The following CDK14 variants were observed in gnomAD, a reference collection of about 807,000 sequenced individuals.
The protein encoded by CDK14 is cyclin-dependent kinase 14.
In CDK14, 34 loss-of-function variants were observed where a neutral mutation model predicts 60.7. That is an observed-to-expected ratio of 0.56 (90% confidence interval 0.43 to 0.75). The LOEUF (loss-of-function observed/expected upper bound fraction) is 0.75. CDK14 is among the 30% of genes least tolerant of loss of function. The pLI, the probability that CDK14 is intolerant of heterozygous loss-of-function variation, is 0.00. For synonymous variants in CDK14, 197 were observed against 203.7 expected (o/e 0.97, Z 0.28); for missense variants, 482 against 564.1 (o/e 0.85, Z 1.47).
At chr7:90,783,398 C>A (rs1210029782) in intron 4 of CDK14, among the ~76,000 whole-genome samples, 2 of 152,090 alleles carry the variant, frequency 1.3e-5, no homozygotes, top group Non-Finnish European at 2.9e-5. Context: ...ATTTGCCCAA[C>A]CAATGTTCTG....
intron 9 of CDK14, among the ~76,000 whole-genome samples, chr7:90,968,155 T>G (rs1794812370): frequency 6.6e-6 from 1 of 152,236 alleles, no homozygotes; most frequent in South Asian, 2.1e-4. Context: ...GGTGGCTTTC[T>G]TAATTTTAGA....
intron 10 of CDK14, among the ~76,000 whole-genome samples, chr7:91,040,408 A>G (rs938039812): frequency 1.3e-5 from 2 of 152,194 alleles, no homozygotes; most frequent in Non-Finnish European, 2.9e-5. Flanking sequence ...ACTTCTCACT[A>G]AGGAGCTAGA....
At chr7:90,662,392 TC>T (rs1800882077) in intron 2 of CDK14, among the ~76,000 whole-genome samples, 1 of 152,194 alleles carries the variant, frequency 6.6e-6, no homozygotes, top group African/African-American at 2.4e-5. Flanking sequence ...CTTGATTTTC[TC>T]CCCTGAGGAA....
At chr7:91,199,323 TG>T (rs1432045971) in intron 14 of CDK14, among the ~76,000 whole-genome samples, 7 of 151,362 alleles carry the variant, frequency 4.6e-5, no homozygotes, top group African/African-American at 9.7e-5. Flanking sequence ...CAATATTATA[TG>T]TTTTTTTATT....
At chr7:90,931,924 T>A (rs1186517152) in intron 8 of CDK14, among the ~76,000 whole-genome samples, 1 of 152,192 alleles carries the variant, frequency 6.6e-6, no homozygotes. Context: ...TTCAAACACA[T>A]GAATACGTTT....
chr7:91,147,188 A>G (rs1006502823), intron 14 of CDK14, among the ~76,000 whole-genome samples: 8 of 150,212 alleles, frequency 5.3e-5, no homozygotes, highest in Non-Finnish European at 8.9e-5. Context: ...ACACACACAC[A>G]CACACACACA....
At chr7:91,134,929 A>G (rs771437324) in intron 14 of CDK14, among the ~76,000 whole-genome samples, 29 of 152,234 alleles carry the variant, frequency 1.9e-4, no homozygotes, top group Admixed American at 7.9e-4. Context: ...ATATACAAAC[A>G]TATCTTGAGA....
intron 14 of CDK14, among the ~76,000 whole-genome samples, chr7:91,119,728 T>G (rs1331914945): frequency 2.0e-5 from 3 of 152,164 alleles, no homozygotes; most frequent in Non-Finnish European, 2.9e-5. Flanking sequence ...TTTTGGCCTA[T>G]CAGGGGCATG....
At chr7:91,144,858 C>T (rs775992919) in intron 14 of CDK14, among the ~76,000 whole-genome samples, 6 of 152,116 alleles carry the variant, frequency 3.9e-5, no homozygotes, top group Non-Finnish European at 8.8e-5. Context: ...TAAGCAACTT[C>T]TAGCATTTTG....
chr7:90,893,592 C>T (rs1313246949), intron 6 of CDK14, among the ~76,000 whole-genome samples: 7 of 151,846 alleles, frequency 4.6e-5, no homozygotes, highest in African/African-American at 1.5e-4. Context: ...TCATAAGGGT[C>T]ACATAATCCA....
intron 3 of CDK14, among the ~76,000 whole-genome samples, chr7:90,740,548 A>G (rs917684111): frequency 7.9e-5 from 12 of 152,162 alleles, no homozygotes; most frequent in Non-Finnish European, 1.6e-4. Context: ...ACACAAGAGA[A>G]GGTGGCCATC....
At chr7:90,944,128 A>G (rs1287032038) in intron 8 of CDK14, among the ~76,000 whole-genome samples, 2 of 152,164 alleles carry the variant, frequency 1.3e-5, no homozygotes, top group African/African-American at 2.4e-5. Flanking sequence ...CACAATACCA[A>G]AGTCTATCCA....
chr7:90,956,441 A>G lies in CDK14; in HGVS notation c.947+624A>G, dbSNP rs115321437. 8.1e-3 allele frequency among the ~76,000 whole-genome samples: 1,240 copies of G among 152,282 alleles called. 25 individuals are homozygous for G. The highest frequency in any genetic ancestry group is 0.026 in the African/African-American group (1,072 of 41,574). Reference sequence around the variant, plus strand: ...AATGATAAACTATGCTGAGTTCCCAACTAAGTGTGATCCAAATCAAACAAT... The same window carrying G: ...AATGATAAACTATGCTGAGTTCCCAGCTAAGTGTGATCCAAATCAAACAAT... On this transcript the variant is annotated intron_variant, in intron 9 of 14. Coordinates refer to ENST00000380050, the MANE Select transcript of CDK14 (RefSeq NM_001287135.2).
chr7:91,020,463 C>T (rs1796405085), intron 10 of CDK14, among the ~76,000 whole-genome samples: 2 of 152,278 alleles, frequency 1.3e-5, no homozygotes, highest in South Asian at 4.1e-4. Context: ...TCACATATTC[C>T]AGTCAGAGAG....
chr7:90,757,209 A>AGT (rs56790315), intron 4 of CDK14, among the ~76,000 whole-genome samples: 6,016 of 119,974 alleles, frequency 0.05, 212 homozygotes, highest in African/African-American at 0.11. Flanking sequence ...GCATTCTTCC[A>AGT]GTGTGTGTGT....
intron 2 of CDK14, among the ~76,000 whole-genome samples, chr7:90,685,027 G>T: frequency 6.7e-6 from 1 of 149,678 alleles, no homozygotes; most frequent in Admixed American, 6.7e-5. Context: ...TCCTATTATG[G>T]TTTCTGGTTT....
At chr7:90,871,217 A>G (rs1454588739) in intron 6 of CDK14, among the ~76,000 whole-genome samples, 1 of 152,220 alleles carries the variant, frequency 6.6e-6, no homozygotes, top group Non-Finnish European at 1.5e-5. Context: ...AGAAAAGAAT[A>G]TAATAAAATG....
intron 14 of CDK14, among the ~76,000 whole-genome samples, chr7:91,177,062 A>G (rs1232777301): frequency 5.3e-5 from 8 of 149,796 alleles, no homozygotes; most frequent in Non-Finnish European, 1.2e-4. Context: ...AATCCTCAAT[A>G]AAATACTGGC....
chr7:90,923,405 G>C (rs1171276017), intron 8 of CDK14, among the ~76,000 whole-genome samples: 1 of 152,080 alleles, frequency 6.6e-6, no homozygotes, highest in Admixed American at 6.6e-5. Context: ...CACCATGCCT[G>C]GCCCAACATC....
Sources: allele counts gnomAD v4.1 joint callset (sites outside exome capture counted in the v4.1 genomes callset), GRCh38; gene constraint gnomAD v4.1.1; transcripts MANE v1.5; gene names NCBI Gene and HGNC (gene_info 2026-07-23, HGNC 2026-07-21).